The following SLC28A1 variants were observed in gnomAD, a reference collection of about 807,000 sequenced individuals.
The protein encoded by SLC28A1 is solute carrier family 28 member 1.
Under a neutral mutation model 74.8 loss-of-function variants are expected in SLC28A1, and 64 were observed. The ratio of observed to expected loss-of-function variants is 0.86; its 90% confidence interval spans 0.70 to 1.05. SLC28A1 has a LOEUF of 1.05. Among genes scored for constraint, SLC28A1 ranks in the 50% least tolerant of loss-of-function variants. The pLI, the probability that SLC28A1 is intolerant of heterozygous loss-of-function variation, is 0.00. For synonymous variants in SLC28A1, 359 were observed against 335.0 expected (o/e 1.07, Z -0.78); for missense variants, 828 against 822.8 (o/e 1.01, Z -0.08).
intron 15 of SLC28A1, 75 bp downstream of exon 15, chr15:84,935,593 C>G: frequency 7.8e-7 from 1 of 1,290,142 alleles, no homozygotes; most frequent in South Asian, 1.2e-5. Context: ...CTGGCAGCTG[C>G]TCTCCCGCTC....
chr15:84,887,674 C>T lies in SLC28A1; in HGVS notation c.-16-71C>T, dbSNP rs554386069. 40 of 1,578,424 alleles carry T rather than the reference C, an allele frequency of 2.5e-5. No homozygotes were observed. In the Admixed American group the frequency reaches 5.4e-4, roughly 21 times the overall value. On this transcript the variant is annotated intron_variant, in intron 2 of 18. Coordinates refer to ENST00000394573, the MANE Select transcript of SLC28A1 (RefSeq NM_004213.5). ...CCCCCCACTCAGTCCTCTCCCCTTTCCCCGGGCCCCTAAACTGGGCCCTGC... is the reference window on the plus strand; with the variant it reads ...CCCCCCACTCAGTCCTCTCCCCTTTTCCCGGGCCCCTAAACTGGGCCCTGC...
intron 9 of SLC28A1, among the ~76,000 whole-genome samples, chr15:84,909,700 C>A (rs761119099): frequency 4.6e-5 from 7 of 152,240 alleles, no homozygotes; most frequent in African/African-American, 1.7e-4. Flanking sequence ...AGCTCCCTTG[C>A]CAGGCAGAAG....
At chr15:84,889,689 CTTCT>C (rs56225743) in intron 4 of SLC28A1, among the ~76,000 whole-genome samples, 50,216 of 121,100 alleles carry the variant, frequency 0.41, 10,634 homozygotes, top group Admixed American at 0.47. Context: ...TCCTTCCTTC[CTTCT>C]TTCCTTCCTT....
At chr15:84,960,809 T>C in the SLC28A1 span, among the ~76,000 whole-genome samples, 19 of 152,240 alleles carry the variant, frequency 1.2e-4, no homozygotes, top group Non-Finnish European at 2.6e-4. Flanking sequence ...ATCTCTCCTG[T>C]TGCTGCTCTC....
At chr15:84,895,360 A>T in intron 6 of SLC28A1, 1 of 1,613,916 alleles carries the variant, frequency 6.2e-7, no homozygotes, top group Non-Finnish European at 8.5e-7. Context: ...ACTGGACTCA[A>T]CAGTTTCCTC....
At chr15:84,939,123 C>A (rs1409038448) in intron 15 of SLC28A1, among the ~76,000 whole-genome samples, 3 of 152,158 alleles carry the variant, frequency 2.0e-5, no homozygotes, top group African/African-American at 4.8e-5. Context: ...AGTTCAAGAC[C>A]AGCCCTGGAA....
chr15:84,885,227 GGGAGT>G (rs1964446927), intron 1 of SLC28A1, among the ~76,000 whole-genome samples: 2 of 150,788 alleles, frequency 1.3e-5, no homozygotes, highest in South Asian at 4.2e-4. Context: ...CCAAAGTGCT[GGGAGT>G]GCAGGCATGA....
intron 7 of SLC28A1, 34 bp downstream of exon 7, chr15:84,904,272 T>A (rs572607006): frequency 6.2e-7 from 1 of 1,612,296 alleles, no homozygotes; most frequent in South Asian, 1.1e-5. Flanking sequence ...GGGCTGGAAG[T>A]GTTTGCCTCT....
chr15:84,929,578 G>A (rs1018154188), intron 12 of SLC28A1, among the ~76,000 whole-genome samples: 1 of 151,574 alleles, frequency 6.6e-6, no homozygotes. Flanking sequence ...TCTAGGCTGG[G>A]TGCAGTGGCT....
At chr15:84,924,136 G>T in intron 12 of SLC28A1, 26 bp downstream of exon 12, 1 of 1,607,692 alleles carries the variant, frequency 6.2e-7, no homozygotes. Context: ...CTTCTGCTTG[G>T]CTATGTTGAG....
chr15:84,889,230 G>T (rs1435589477), intron 4 of SLC28A1, among the ~76,000 whole-genome samples: 1 of 152,180 alleles, frequency 6.6e-6, no homozygotes, highest in African/African-American at 2.4e-5. Context: ...AACTGGGCAA[G>T]GTCCCTGATT....
chr15:84,951,231 T>G, the SLC28A1 span, among the ~76,000 whole-genome samples: 1 of 151,948 alleles, frequency 6.6e-6, no homozygotes, highest in Non-Finnish European at 1.5e-5. Flanking sequence ...GCAGATCTCT[T>G]GAGCCCTGGA....
intron 11 of SLC28A1, among the ~76,000 whole-genome samples, chr15:84,923,461 G>A (rs1020553132): frequency 2.6e-5 from 4 of 152,066 alleles, no homozygotes; most frequent in East Asian, 1.9e-4. Flanking sequence ...CACAGTAGGC[G>A]CTCAACAACT....
At chr15:84,957,790 G>A in the SLC28A1 span, among the ~76,000 whole-genome samples, 1 of 152,094 alleles carries the variant, frequency 6.6e-6, no homozygotes, top group African/African-American at 2.4e-5. Flanking sequence ...GATTGTTTAA[G>A]CTATTCTAGT....
At chr15:84,931,649 C>T (rs1447056626) in intron 12 of SLC28A1, among the ~76,000 whole-genome samples, 1 of 25,484 alleles carries the variant, frequency 3.9e-5, no homozygotes, top group Admixed American at 7.3e-4. Flanking sequence ...GAGACTCCAT[C>T]TCAAAAAAAA....
In SLC28A1 at chr15:84,885,260, C is replaced by CT. The variant is rs1163597445; in HGVS notation, c.-133+521dup. Reference sequence around the variant, plus strand: ...AGGCATGAGCCACCGTGCCCCCCCTCTTTTTTTTTTTTAAAGGTAGAGTCT... The same window carrying CT: ...AGGCATGAGCCACCGTGCCCCCCCTCTTTTTTTTTTTTTAAAGGTAGAGTCT... On this transcript the variant is annotated intron_variant, in intron 1 of 18. Coordinates refer to ENST00000394573, the MANE Select transcript of SLC28A1 (RefSeq NM_004213.5). Among the ~76,000 whole-genome samples, 432 of 142,710 alleles carry CT rather than the reference C, an allele frequency of 3.0e-3. 1 individual carries two copies. The highest frequency in any genetic ancestry group is 0.025 in the Middle Eastern group (7 of 280). 93.6% of individuals were successfully genotyped at this position (142,710 alleles called of 152,430 possible). A position where few individuals can be genotyped will look rare whatever the true frequency, so the allele number is the denominator to read the frequency against.
At chr15:84,908,118 T>C (rs1476877045) in intron 8 of SLC28A1, among the ~76,000 whole-genome samples, 2 of 151,548 alleles carry the variant, frequency 1.3e-5, no homozygotes, top group Non-Finnish European at 2.9e-5. Context: ...TCTTCACATG[T>C]CTCATGGTTA....
Position 84,894,871 on chromosome 15 carries a change from G to T in SLC28A1, c.278-69G>T. On this transcript the variant is annotated intron_variant, in intron 5 of 18. Transcript: ENST00000394573. ...CTGGGTGGAGTAAGGTGGAGTCCGCGGGCGGGGCTGCAGGGTTCTGAAGAG... is the reference window on the plus strand; with the variant it reads ...CTGGGTGGAGTAAGGTGGAGTCCGCTGGCGGGGCTGCAGGGTTCTGAAGAG... 9 of 1,490,658 alleles carry T rather than the reference G, an allele frequency of 6.0e-6. No homozygotes were observed. In the South Asian group the frequency reaches 9.0e-5, roughly 15 times the overall value. 92.3% of individuals were successfully genotyped at this position (1,490,658 alleles called of 1,614,324 possible).
intron 10 of SLC28A1, among the ~76,000 whole-genome samples, chr15:84,919,721 C>T (rs2141903582): frequency 6.6e-6 from 1 of 152,312 alleles, no homozygotes; most frequent in East Asian, 1.9e-4. Context: ...GAGGGCAGAG[C>T]CTTCATGCCC....
Sources: gnomAD v4.1 joint callset for allele counts (sites outside exome capture counted in the v4.1 genomes callset) on GRCh38, gnomAD v4.1.1 for gene constraint, MANE v1.5 for transcripts, NCBI Gene and HGNC (gene_info 2026-07-23, HGNC 2026-07-21) for gene names.